Variants in LIMCH1 observed in about 807,000 individuals in gnomAD.
LIMCH1 encodes the protein LIM and calponin homology domains 1, also known as LIM and calponin homology domains-containing protein 1.
Under a neutral mutation model 176.5 loss-of-function variants are expected in LIMCH1, and 113 were observed. The ratio of observed to expected loss-of-function variants is 0.64; its 90% CI spans 0.55 to 0.75. The LOEUF (loss-of-function observed/expected upper bound fraction) is 0.75. Ranked by LOEUF, LIMCH1 falls within the 30% of genes least tolerant of loss-of-function variation. LIMCH1 has a pLI of 0.00. For missense variants in LIMCH1, 1,674 were observed against 1,814.9 expected (o/e 0.92, Z 1.41); for synonymous variants, 619 against 645.9 (o/e 0.96, Z 0.63).
At chr4:41,687,176 T>C (rs1259755897) in intron 28 of LIMCH1, among the ~76,000 whole-genome samples, 1 of 152,186 alleles carries the variant, frequency 6.6e-6, no homozygotes, top group African/African-American at 2.4e-5. Context: ...TTACAAATGA[T>C]ATTAACTTTT....
intron 1 of LIMCH1, among the ~76,000 whole-genome samples, chr4:41,395,250 G>C (rs77695887): frequency 2.8e-5 from 1 of 35,788 alleles, no homozygotes; most frequent in Non-Finnish European, 5.2e-5. Context: ...TTTTTTTTTT[G>C]AGATGGAGTT....
intron 1 of LIMCH1, among the ~76,000 whole-genome samples, chr4:41,397,779 G>A (rs28687236): frequency 0.031 from 4,710 of 152,152 alleles, 254 homozygotes; most frequent in African/African-American, 0.11. Flanking sequence ...TGGTGACTTT[G>A]TCAATTTCTC....
chr4:41,514,466 T>C (rs1006235830), intron 2 of LIMCH1, among the ~76,000 whole-genome samples: 5 of 152,088 alleles, frequency 3.3e-5, no homozygotes, highest in African/African-American at 1.2e-4. Flanking sequence ...GCAGTAAGCA[T>C]GTGAAAGTGC....
chr4:41,469,089 T>G (rs1031961927), intron 1 of LIMCH1, among the ~76,000 whole-genome samples: 9 of 152,206 alleles, frequency 5.9e-5, no homozygotes, highest in African/African-American at 2.2e-4. Context: ...CCAAGAGTCA[T>G]CTGTGCATCC....
chr4:41,514,005 TAAAAAAAAAAAAAAAAAAAAAAAAA>T (rs71198665), intron 2 of LIMCH1, among the ~76,000 whole-genome samples: 7 of 48,514 alleles, frequency 1.4e-4, no homozygotes, highest in East Asian at 2.0e-3. Flanking sequence ...GACTCCGTCT[TAAAAAAAAAAAAAAAAAAAAAAAAA>T]AAAAAAAAAA....
At position 41,613,582 on chromosome 4, in the gene LIMCH1, C is replaced by A; in HGVS notation, c.126C>A (p.Ser42=). The A allele has an allele frequency of 6.2e-7, 1 of 1,614,150 alleles. No individual in the cohort carries two copies. The highest frequency in any genetic ancestry group is 8.5e-7 in the Non-Finnish European group (1 of 1,180,032). Residue 42 remains serine, a synonymous_variant, in exon 5 of 32, where the codon TCC becomes TCA. Coordinates refer to ENST00000503057, the MANE Select transcript of LIMCH1 (RefSeq NM_001330672.2). ...LSPPRHGRDD[S]FDSLDSFGSR... ...CTCCTCGCCACGGCAGAGATGATTC[C>A]TTCGACAGCCTGGATTCCTTTGGCT...
intron 2 of LIMCH1, among the ~76,000 whole-genome samples, chr4:41,503,609 G>GGAGGGACTTACGTTTT: frequency 6.6e-6 from 1 of 152,210 alleles, no homozygotes; most frequent in South Asian, 2.1e-4. Flanking sequence ...AGGATGCTTT[G>GGAGGGACTTACGTTTT]GAGGGACTTA....
intron 23 of LIMCH1, among the ~76,000 whole-genome samples, chr4:41,677,813 AT>A (rs2153035600): frequency 6.6e-6 from 1 of 152,306 alleles, no homozygotes; most frequent in South Asian, 2.1e-4. Context: ...CTTCTACTAC[AT>A]TCCCACTAGT....
intron 1 of LIMCH1, among the ~76,000 whole-genome samples, chr4:41,562,976 T>C (rs888901842): frequency 5.9e-5 from 9 of 152,174 alleles, no homozygotes; most frequent in Admixed American, 4.6e-4. Flanking sequence ...TTTAACTAGA[T>C]TAAATCAAGC....
chr4:41,514,490 G>A (rs1232251378), intron 2 of LIMCH1, among the ~76,000 whole-genome samples: 1 of 152,184 alleles, frequency 6.6e-6, no homozygotes, highest in African/African-American at 2.4e-5. Context: ...GCTATATGAA[G>A]AGACTTTGTA....
chr4:41,543,563 G>T (rs1453463195), intron 1 of LIMCH1, among the ~76,000 whole-genome samples: 3 of 152,120 alleles, frequency 2.0e-5, no homozygotes, highest in African/African-American at 7.2e-5. Context: ...CTGGCATACT[G>T]TCCGGTAGAC....
At chr4:41,416,657 C>CAAAAA (rs35372522) in intron 1 of LIMCH1, among the ~76,000 whole-genome samples, 1 of 43,656 alleles carries the variant, frequency 2.3e-5, no homozygotes. Context: ...GATTCCATCT[C>CAAAAA]AAAAACAAAA....
intron 29 of LIMCH1, among the ~76,000 whole-genome samples, chr4:41,688,677 C>T (rs1722890713): frequency 6.6e-6 from 1 of 152,170 alleles, no homozygotes; most frequent in African/African-American, 2.4e-5. Flanking sequence ...ATAAAAGCTG[C>T]CTTTCAGAGG....
chr4:41,546,398 C>T (rs898526524), intron 1 of LIMCH1, among the ~76,000 whole-genome samples: 3 of 152,036 alleles, frequency 2.0e-5, no homozygotes, highest in Non-Finnish European at 4.4e-5. Flanking sequence ...CTCAGCCTCC[C>T]AAAGTGCTGG....
intron 1 of LIMCH1, among the ~76,000 whole-genome samples, chr4:41,596,595 T>C (rs1391670744): frequency 6.6e-6 from 1 of 152,208 alleles, no homozygotes; most frequent in African/African-American, 2.4e-5. Flanking sequence ...CTGGGTCCTT[T>C]AAAATGGACT....
chr4:41,443,202 T>C (rs1023702348), intron 1 of LIMCH1, among the ~76,000 whole-genome samples: 64 of 44,696 alleles, frequency 1.4e-3, no homozygotes, highest in Non-Finnish European at 1.6e-3. Flanking sequence ...CTTTTTTTTT[T>C]TTTTTTTTTT....
At chr4:41,376,195 A>G (rs1346720806) in intron 1 of LIMCH1, among the ~76,000 whole-genome samples, 1 of 152,172 alleles carries the variant, frequency 6.6e-6, no homozygotes, top group Non-Finnish European at 1.5e-5. Flanking sequence ...GTTTCTATAT[A>G]GTTTTCTATG....
chr4:41,361,800 C>T (rs2052118508), intron 1 of LIMCH1, among the ~76,000 whole-genome samples: 1 of 151,758 alleles, frequency 6.6e-6, no homozygotes, highest in South Asian at 2.1e-4. Flanking sequence ...GGGTTCAGGA[C>T]GCTTGAAGGG....
intron 1 of LIMCH1, among the ~76,000 whole-genome samples, chr4:41,425,428 C>A (rs183354818): frequency 2.6e-5 from 4 of 152,134 alleles, no homozygotes; most frequent in Admixed American, 2.0e-4. Flanking sequence ...CCCACTGCAA[C>A]CCCCGCCTCC....
Sources: allele counts gnomAD v4.1 joint callset (sites outside exome capture counted in the v4.1 genomes callset), GRCh38; gene constraint gnomAD v4.1.1; transcripts MANE v1.5; gene names NCBI Gene and HGNC (gene_info 2026-07-23, HGNC 2026-07-21).